Variants in STK32B observed in about 807,000 individuals in gnomAD.
STK32B encodes serine/threonine-protein kinase 32B.
Under a neutral mutation model 52.6 loss-of-function variants are expected in STK32B, and 43 were observed. That is an observed-to-expected ratio of 0.82 (90% CI 0.64 to 1.05). The LOEUF (loss-of-function observed/expected upper bound fraction) is 1.05, where lower values mean the gene tolerates loss of function less well. STK32B is among the 50% of genes least tolerant of loss of function. The pLI, the probability that STK32B is intolerant of heterozygous loss-of-function variation, is 0.00. For synonymous variants in STK32B, 238 were observed against 204.3 expected (o/e 1.17, Z -1.41); for missense variants, 621 against 534.6 (o/e 1.16, Z -1.59).
At chr4:5,087,627 CAAAAT>C (rs2108780359) in intron 1 of STK32B, among the ~76,000 whole-genome samples, 1 of 151,062 alleles carries the variant, frequency 6.6e-6, no homozygotes, top group East Asian at 1.9e-4. Flanking sequence ...CAATAATAAA[CAAAAT>C]AGAAGCAGAG....
chr4:5,179,819 A>G (rs542056683), intron 3 of STK32B, among the ~76,000 whole-genome samples: 1 of 152,354 alleles, frequency 6.6e-6, no homozygotes, highest in East Asian at 1.9e-4. Flanking sequence ...TTGGCCTTGC[A>G]CTGCCTTCTT....
intron 3 of STK32B, among the ~76,000 whole-genome samples, chr4:5,330,434 T>G (rs1732157410): frequency 6.6e-6 from 1 of 152,146 alleles, no homozygotes. Context: ...TTCTACTGTT[T>G]CAAAAACAAA....
Position 5,093,469 on chromosome 4 carries a change from A to C in STK32B, c.52+41554A>C, listed in dbSNP as rs149201492. Among the ~76,000 whole-genome samples the C allele has an allele frequency of 1.4e-3, 213 of 152,212 alleles. 3 individuals carry two copies. In the East Asian group the frequency reaches 0.032, roughly 23 times the overall value. ...TCAGCAACTATCGCAAGGACAAAAA[A>C]CCAAACACCGCATGTTCTCACTCAT... On this transcript the variant is annotated intron_variant, in intron 1 of 11. Transcript: ENST00000282908.
Position 5,500,213 on chromosome 4 carries a change from T to TACTAACTA in STK32B, c.*1134_*1141dup, listed in dbSNP as rs61495531. 1 of 152,046 alleles carries TACTAACTA rather than the reference T, an allele frequency of 6.6e-6. No homozygotes were observed. Among genetic ancestry groups the TACTAACTA allele is most frequent in the African/African-American group, 2.4e-5 (1 of 41,344 alleles). The allele number at this position is 152,046 out of a possible 1,614,324, so 9.4% of individuals were successfully genotyped here. A position where few individuals can be genotyped will look rare whatever the true frequency, so the allele number is the denominator to read the frequency against. On this transcript the variant is annotated 3_prime_UTR_variant, in exon 12 of 12. Coordinates refer to ENST00000282908, the MANE Select transcript of STK32B (RefSeq NM_018401.3). ...GTGTTCAGAATCCAGCCCTGCTGGCTACTAACTAACTGGGAGACCTTAGGC... is the reference window on the plus strand; with the variant it reads ...GTGTTCAGAATCCAGCCCTGCTGGCTACTAACTAACTAACTAACTGGGAGACCTTAGGC...
chr4:5,170,975 CCTGA>C (rs1553843465), intron 3 of STK32B, among the ~76,000 whole-genome samples: 1 of 152,168 alleles, frequency 6.6e-6, no homozygotes, highest in Non-Finnish European at 1.5e-5. Flanking sequence ...CCTGTTGTTT[CCTGA>C]CTTTTTAATG....
intron 8 of STK32B, among the ~76,000 whole-genome samples, chr4:5,458,317 G>C (rs370521362): frequency 6.6e-6 from 1 of 152,176 alleles, no homozygotes; most frequent in Non-Finnish European, 1.5e-5. Flanking sequence ...TTGGCACCCA[G>C]TTGTTTTTAA....
intron 3 of STK32B, among the ~76,000 whole-genome samples, chr4:5,272,998 A>C (rs58199285): frequency 0.11 from 14,717 of 135,878 alleles, 2,297 homozygotes; most frequent in African/African-American, 0.37. Flanking sequence ...AATGGGATCT[A>C]ATTAAACTAA....
chr4:5,064,015 G>T (rs1742315728), intron 1 of STK32B, among the ~76,000 whole-genome samples: 1 of 151,896 alleles, frequency 6.6e-6, no homozygotes, highest in Non-Finnish European at 1.5e-5. Context: ...TTCTTTGATT[G>T]ACTTGTGGCT....
intron 1 of STK32B, among the ~76,000 whole-genome samples, chr4:5,086,071 A>T (rs1031664048): frequency 6.6e-5 from 10 of 152,174 alleles, no homozygotes; most frequent in African/African-American, 2.4e-4. Context: ...GAAGTGATAG[A>T]TAATAGTTGG....
At chr4:5,175,959 C>A (rs962176346) in intron 3 of STK32B, among the ~76,000 whole-genome samples, 3 of 152,254 alleles carry the variant, frequency 2.0e-5, no homozygotes, top group Admixed American at 6.5e-5. Flanking sequence ...CCCACTCGAG[C>A]TTCCCAGCTG....
At chr4:5,440,412 T>A (rs1714613291) in intron 6 of STK32B, among the ~76,000 whole-genome samples, 1 of 152,144 alleles carries the variant, frequency 6.6e-6, no homozygotes, top group African/African-American at 2.4e-5. Context: ...GTTTGTCTGT[T>A]GTTGGTGTGT....
the STK32B span, chr4:5,019,566 G>T: frequency 8.9e-7 from 1 of 1,128,512 alleles, no homozygotes; most frequent in Non-Finnish European, 1.2e-6. Context: ...ATCCAGGGTG[G>T]CAGAGAGGAA....
the STK32B span, among the ~76,000 whole-genome samples, chr4:5,024,287 T>C: frequency 6.6e-6 from 1 of 152,182 alleles, no homozygotes; most frequent in Admixed American, 6.5e-5. Flanking sequence ...TTTACTCAGT[T>C]GGAAGGTCTT....
chr4:5,214,848 T>TATGA (rs1723096632), intron 3 of STK32B, among the ~76,000 whole-genome samples: 1 of 152,196 alleles, frequency 6.6e-6, no homozygotes, highest in African/African-American at 2.4e-5. Context: ...GTGAGAGAGG[T>TATGA]ATGAACAAAG....
intron 3 of STK32B, among the ~76,000 whole-genome samples, chr4:5,217,955 T>C (rs930838257): frequency 6.6e-6 from 1 of 152,208 alleles, no homozygotes; most frequent in Non-Finnish European, 1.5e-5. Flanking sequence ...AAATTATACA[T>C]AGAAGGCCTC....
At chr4:5,356,824 C>G (rs1002360911) in intron 4 of STK32B, among the ~76,000 whole-genome samples, 1 of 151,992 alleles carries the variant, frequency 6.6e-6, no homozygotes, top group Non-Finnish European at 1.5e-5. Flanking sequence ...TGGTGAAAAC[C>G]CATCTCCACT....
At chr4:5,133,051 G>A (rs1018295243) in intron 1 of STK32B, among the ~76,000 whole-genome samples, 2 of 152,174 alleles carry the variant, frequency 1.3e-5, no homozygotes, top group African/African-American at 4.8e-5. Flanking sequence ...ACCTGCCTCA[G>A]CCTCCCACAG....
At chr4:5,126,514 C>G (rs1303806209) in intron 1 of STK32B, among the ~76,000 whole-genome samples, 2 of 152,346 alleles carry the variant, frequency 1.3e-5, no homozygotes, top group Middle Eastern at 3.4e-3. Context: ...GTCTCACTGT[C>G]TAGTGCTGCC....
intron 3 of STK32B, among the ~76,000 whole-genome samples, chr4:5,170,452 C>G (rs1399616689): frequency 3.3e-5 from 5 of 152,092 alleles, no homozygotes; most frequent in African/African-American, 9.7e-5. Flanking sequence ...AATGCTATCG[C>G]TCCCCCGTCC....
Sources: allele counts gnomAD v4.1 joint callset (sites outside exome capture counted in the v4.1 genomes callset), GRCh38; gene constraint gnomAD v4.1.1; transcripts MANE v1.5; gene names NCBI Gene and HGNC (gene_info 2026-07-23, HGNC 2026-07-21).